ZNF385D: variants seen among roughly 807,000 people sequenced by gnomAD.
ZNF385D encodes zinc finger protein 385D.
Under a neutral mutation model 35.8 loss-of-function variants are expected in ZNF385D, and 15 were observed. The ratio of observed to expected loss-of-function variants is 0.42; its 90% confidence interval spans 0.28 to 0.64. ZNF385D has a LOEUF of 0.64. Ranked by LOEUF, ZNF385D falls within the 30% of genes least tolerant of loss-of-function variation. The pLI is 0.23. For synonymous variants in ZNF385D, 212 were observed against 186.8 expected, an observed-to-expected ratio of 1.13 and a Z score of -1.10; for missense variants, 474 against 494.6, an observed-to-expected ratio of 0.96 and a Z score of 0.39.
chr3:21,999,386 G>A (rs1013664609), intron 3 of ZNF385D, among the ~76,000 whole-genome samples: 1 of 151,908 alleles, frequency 6.6e-6, no homozygotes, highest in African/African-American at 2.4e-5. Context: ...CAATCTTAGT[G>A]TATGGGATGA....
intron 2 of ZNF385D, among the ~76,000 whole-genome samples, chr3:21,657,309 A>G (rs745723655): frequency 6.6e-6 from 1 of 151,912 alleles, no homozygotes; most frequent in African/African-American, 2.4e-5. Context: ...AATAAGAAAA[A>G]TATTCATGCG....
chr3:21,644,448 A>G (rs976505670), intron 2 of ZNF385D, among the ~76,000 whole-genome samples: 3 of 152,134 alleles, frequency 2.0e-5, no homozygotes, highest in Non-Finnish European at 4.4e-5. Flanking sequence ...GAGACAAGGT[A>G]GGCATGCCAG....
intron 3 of ZNF385D, chr3:21,961,631 A>C (rs1228976648): frequency 6.6e-6 from 1 of 152,154 alleles, no homozygotes; most frequent in East Asian, 1.9e-4. Flanking sequence ...GGCTACATAC[A>C]TTATTTCATT....
intron 2 of ZNF385D, among the ~76,000 whole-genome samples, chr3:21,597,755 A>G (rs2064166878): frequency 6.6e-6 from 1 of 152,176 alleles, no homozygotes; most frequent in Non-Finnish European, 1.5e-5. Flanking sequence ...AAACATAAAA[A>G]GGTAGTTTTA....
In ZNF385D at chr3:21,564,689, A is replaced by G. The variant is rs751298706; in HGVS notation, c.166-5T>C. 9.9e-6 allele frequency: 15 copies of G among 1,520,950 alleles called. No individual in the cohort carries two copies. The highest frequency in any genetic ancestry group is 1.3e-5 in the Non-Finnish European group (15 of 1,128,582). The allele number at this position is 1,520,950 out of a possible 1,614,324, so 94.2% of individuals were successfully genotyped here. Reference sequence around the variant, plus strand: ...AGCTTTCTGAATCGGGTCCATCTGTAATGAGAAAAAAGAAATACAACAAAT... The same window carrying G: ...AGCTTTCTGAATCGGGTCCATCTGTGATGAGAAAAAAGAAATACAACAAAT... On this transcript the variant is annotated splice_polypyrimidine_tract_variant and splice_region_variant and intron_variant, in intron 2 of 7. Transcript: ENST00000281523.
chr3:22,371,444 T>C (rs773541346), intron 2 of ZNF385D, among the ~76,000 whole-genome samples: 7 of 152,078 alleles, frequency 4.6e-5, no homozygotes, highest in Non-Finnish European at 8.8e-5. Flanking sequence ...GGTTCCAGAA[T>C]TGAAGACACT....
intron 4 of ZNF385D, among the ~76,000 whole-genome samples, chr3:21,453,292 T>A (rs1559460533): frequency 6.6e-6 from 1 of 151,966 alleles, no homozygotes; most frequent in Non-Finnish European, 1.5e-5. Flanking sequence ...AATAAATATT[T>A]GTGACCTTGT....
intron 3 of ZNF385D, among the ~76,000 whole-genome samples, chr3:21,794,015 A>G (rs550538589): frequency 1.4e-4 from 22 of 152,198 alleles, no homozygotes; most frequent in Non-Finnish European, 2.8e-4. Flanking sequence ...CTCATCAAGG[A>G]TCAGGGACAT....
At chr3:21,953,804 G>A (rs1386712004) in intron 3 of ZNF385D, among the ~76,000 whole-genome samples, 1 of 151,924 alleles carries the variant, frequency 6.6e-6, no homozygotes, top group Non-Finnish European at 1.5e-5. Context: ...TGTAGTGTTT[G>A]GAAATTAGAG....
intron 2 of ZNF385D, among the ~76,000 whole-genome samples, chr3:21,568,101 A>G (rs2063211442): frequency 1.3e-5 from 2 of 152,194 alleles, no homozygotes; most frequent in South Asian, 4.1e-4. Flanking sequence ...GATTTCACAA[A>G]CTATAGATAC....
At chr3:22,351,928 T>G (rs150617514) in intron 2 of ZNF385D, among the ~76,000 whole-genome samples, 235 of 152,290 alleles carry the variant, frequency 1.5e-3, no homozygotes, top group African/African-American at 5.6e-3. Flanking sequence ...AAGAACTGCT[T>G]GTGTACTTAC....
chr3:22,094,384 T>TGAGATATATATATATATAGATATATA (rs150353996), intron 3 of ZNF385D, among the ~76,000 whole-genome samples: 1 of 104,152 alleles, frequency 9.6e-6, no homozygotes, highest in African/African-American at 3.5e-5. Context: ...CATTTATTGT[T>TGAGATATATATATATATAGATATATA]GATATATATA....
chr3:22,300,382 G>T (rs1245073215), intron 2 of ZNF385D, among the ~76,000 whole-genome samples: 1 of 102,312 alleles, frequency 9.8e-6, no homozygotes, highest in African/African-American at 4.4e-5. Flanking sequence ...ATTGGTCTGG[G>T]CAATGATTTT....
At chr3:21,757,134 T>TTTTTTTTTTTTTTTTTTTG (rs1553654008) in intron 3 of ZNF385D, among the ~76,000 whole-genome samples, 1 of 128,230 alleles carries the variant, frequency 7.8e-6, no homozygotes, top group Non-Finnish European at 1.6e-5. Context: ...TTTTTTTTTT[T>TTTTTTTTTTTTTTTTTTTG]TTTTTGTTTT....
chr3:21,721,065 T>C (rs2068520476), intron 1 of ZNF385D, among the ~76,000 whole-genome samples: 1 of 145,562 alleles, frequency 6.9e-6, no homozygotes, highest in Non-Finnish European at 1.5e-5. Context: ...TTGTAACAGG[T>C]TTTTTTTTTC....
chr3:21,495,100 T>C (rs1023302714), intron 4 of ZNF385D, among the ~76,000 whole-genome samples: 5 of 152,130 alleles, frequency 3.3e-5, no homozygotes, highest in African/African-American at 1.2e-4. Flanking sequence ...CGATATCTCA[T>C]ATATTACAAC....
intron 2 of ZNF385D, among the ~76,000 whole-genome samples, chr3:21,592,995 A>G (rs1485294129): frequency 6.6e-6 from 1 of 152,168 alleles, no homozygotes; most frequent in African/African-American, 2.4e-5. Context: ...CGACTTGGAA[A>G]TGACATCATG....
Position 22,347,171 on chromosome 3 carries a change from T to C in ZNF385D, c.106+25279A>G, listed in dbSNP as rs529742882. 4.0e-4 allele frequency among the ~76,000 whole-genome samples: 61 copies of C among 152,342 alleles called. 1 individual carries two copies. Among genetic ancestry groups the C allele is most frequent in the African/African-American group, 1.5e-3 (61 of 41,594 alleles). On this transcript the variant is annotated intron_variant, in intron 2 of 5. Transcript: ENST00000494108. ...AAAAAATGTGTTTCATTTTGAGCTA[T>C]AGAGCAAAATCATATGGTTTGCTCA...
chr3:21,631,108 C>T (rs185741800), intron 2 of ZNF385D, among the ~76,000 whole-genome samples: 79 of 151,968 alleles, frequency 5.2e-4, no homozygotes, highest in Middle Eastern at 6.8e-3. Flanking sequence ...CCTGGGTTTG[C>T]GGTTGTGGGG....
Sources: gnomAD v4.1 joint callset for allele counts (sites outside exome capture counted in the v4.1 genomes callset) on GRCh38, gnomAD v4.1.1 for gene constraint, MANE v1.5 for transcripts, NCBI Gene and HGNC (gene_info 2026-07-23, HGNC 2026-07-21) for gene names.